NAALADL2: variants seen among roughly 807,000 people sequenced by gnomAD.
NAALADL2 encodes the protein inactive N-acetylated-alpha-linked acidic dipeptidase-like protein 2.
A neutral mutation model predicts 87.2 loss-of-function variants in NAALADL2; 76 were observed. That is an observed-to-expected ratio of 0.87 (90% CI 0.72 to 1.05). The LOEUF is 1.05. Among genes scored for constraint, NAALADL2 ranks in the 50% least tolerant of loss-of-function variants. The probability of loss-of-function intolerance (pLI) is 0.00; values close to 1 mark genes in which losing one functional copy is unlikely to be tolerated. For synonymous variants in NAALADL2, 354 were observed against 331.0 expected (o/e 1.07, Z -0.75); for missense variants, 1,089 against 945.8 (o/e 1.15, Z -1.99).
chr3:175,698,483 TTATATA>T (rs34002597), intron 11 of NAALADL2, among the ~76,000 whole-genome samples: 1 of 67,774 alleles, frequency 1.5e-5, no homozygotes, highest in South Asian at 3.9e-4. Flanking sequence ...GTATATATAT[TTATATA>T]TATATATATA....
chr3:174,809,827 C>G (rs937542843), intron 3 of NAALADL2, among the ~76,000 whole-genome samples: 3 of 152,148 alleles, frequency 2.0e-5, no homozygotes, highest in Admixed American at 6.6e-5. Context: ...GGTGGGGCCT[C>G]ATGGGAGGTG....
chr3:174,864,162 C>T, intron 1 of NAALADL2: 1 of 433,200 alleles, frequency 2.3e-6, no homozygotes, highest in Non-Finnish European at 4.6e-6. Context: ...TTTCCAGGTA[C>T]AAGAGAGGGT....
chr3:174,476,418 T>G (rs1451004002), intron 1 of NAALADL2, among the ~76,000 whole-genome samples: 1 of 151,970 alleles, frequency 6.6e-6, no homozygotes, highest in Admixed American at 6.6e-5. Flanking sequence ...TGTCCTGTGG[T>G]GTTTTACTCT....
At chr3:175,542,489 A>C (rs1161511527) in intron 9 of NAALADL2, among the ~76,000 whole-genome samples, 1 of 152,122 alleles carries the variant, frequency 6.6e-6, no homozygotes, top group Non-Finnish European at 1.5e-5. Flanking sequence ...ACAGCCCTCC[A>C]TTGTCCTTGG....
rs571627075 is a variant in NAALADL2 at position 175,259,966 on chromosome 3, T to G, written c.939+3436T>G. 1.9e-3 allele frequency among the ~76,000 whole-genome samples: 288 copies of G among 152,012 alleles called. 3 individuals are homozygous for G. The highest frequency in any genetic ancestry group is 6.7e-3 in the African/African-American group (278 of 41,432). Reference sequence around the variant, plus strand: ...TCGCTTGAACCCGGGAGGTGGAGGTTGTAGTGAGCCAGGATTTCACCACTG... The same window carrying G: ...TCGCTTGAACCCGGGAGGTGGAGGTGGTAGTGAGCCAGGATTTCACCACTG... On this transcript the variant is annotated intron_variant, in intron 4 of 13. Transcript: ENST00000454872.
At chr3:175,731,449 C>T (rs1030586390) in intron 11 of NAALADL2, among the ~76,000 whole-genome samples, 9 of 152,126 alleles carry the variant, frequency 5.9e-5, no homozygotes, top group Admixed American at 4.6e-4. Context: ...TCCCCATCTA[C>T]CTGTCTCTTA....
At chr3:175,570,628 C>T (rs1717918366) in intron 9 of NAALADL2, among the ~76,000 whole-genome samples, 1 of 152,064 alleles carries the variant, frequency 6.6e-6, no homozygotes, top group South Asian at 2.1e-4. Context: ...CACCTGTAGT[C>T]CCAGCACTTT....
intron 9 of NAALADL2, among the ~76,000 whole-genome samples, chr3:175,514,021 T>C (rs2149401208): frequency 6.6e-6 from 1 of 152,318 alleles, no homozygotes; most frequent in African/African-American, 2.4e-5. Flanking sequence ...GACAGCTTGC[T>C]TTCTCTTCCA....
intron 3 of NAALADL2, among the ~76,000 whole-genome samples, chr3:175,238,000 C>G (rs1431366917): frequency 6.6e-6 from 1 of 152,074 alleles, no homozygotes; most frequent in Non-Finnish European, 1.5e-5. Flanking sequence ...TCAAAGAGTA[C>G]TCATTTATTT....
intron 1 of NAALADL2, among the ~76,000 whole-genome samples, chr3:174,867,582 T>C (rs1727312570): frequency 6.6e-6 from 1 of 152,074 alleles, no homozygotes; most frequent in African/African-American, 2.4e-5. Flanking sequence ...TATACTATGT[T>C]TTCTCAAGTT....
In NAALADL2 at chr3:175,797,828, CAAG is replaced by C. The variant is rs1211619058; in HGVS notation, c.2190-5173_2190-5171del. On this transcript the variant is annotated intron_variant, in intron 13 of 13. Coordinates refer to ENST00000454872, the MANE Select transcript of NAALADL2 (RefSeq NM_207015.3). ...TTGATCTAATTGAAATATCCACAAA[CAAG>C]AAGCATTTGCATATTAAAATGGTAT... Among the ~76,000 whole-genome samples, 20 of 152,046 alleles carry C rather than the reference CAAG, an allele frequency of 1.3e-4. No homozygotes were observed. In the East Asian group the frequency reaches 3.7e-3, roughly 28 times the overall value.
At chr3:175,620,023 G>A (rs1582653789) in intron 10 of NAALADL2, among the ~76,000 whole-genome samples, 1 of 151,260 alleles carries the variant, frequency 6.6e-6, no homozygotes. Context: ...TGGCAGGCAC[G>A]CTACTCACTC....
At chr3:175,521,390 A>C (rs1419453551) in intron 9 of NAALADL2, among the ~76,000 whole-genome samples, 3 of 152,094 alleles carry the variant, frequency 2.0e-5, no homozygotes, top group African/African-American at 7.2e-5. Flanking sequence ...AATATATACA[A>C]TTTAATTAGT....
At chr3:174,499,767 T>A (rs559825885) in intron 1 of NAALADL2, among the ~76,000 whole-genome samples, 4 of 152,220 alleles carry the variant, frequency 2.6e-5, no homozygotes, top group African/African-American at 9.6e-5. Flanking sequence ...ATCTCTCTTT[T>A]GTTACATTGA....
intron 2 of NAALADL2, among the ~76,000 whole-genome samples, chr3:174,689,219 T>A (rs4364174): frequency 0.49 from 74,716 of 151,916 alleles, 21,083 homozygotes; most frequent in Non-Finnish European, 0.65. Flanking sequence ...GAGCTCACTT[T>A]GTCTAGATAT....
intron 2 of NAALADL2, among the ~76,000 whole-genome samples, chr3:175,225,794 C>A (rs1461479164): frequency 6.6e-6 from 1 of 152,008 alleles, no homozygotes; most frequent in African/African-American, 2.4e-5. Flanking sequence ...TTGTCCATTC[C>A]GTGAGTCTGC....
At chr3:175,155,431 C>CCTT (rs1267910234) in intron 2 of NAALADL2, among the ~76,000 whole-genome samples, 1 of 152,066 alleles carries the variant, frequency 6.6e-6, no homozygotes, top group Non-Finnish European at 1.5e-5. Flanking sequence ...GGCTAGCAAA[C>CCTT]CAAAGCTACA....
At chr3:175,473,967 T>G (rs1725271603) in intron 9 of NAALADL2, among the ~76,000 whole-genome samples, 1 of 152,192 alleles carries the variant, frequency 6.6e-6, no homozygotes. Context: ...GTTAGTTCTT[T>G]GAGGAATCTC....
intron 2 of NAALADL2, among the ~76,000 whole-genome samples, chr3:174,571,529 G>A (rs1475164216): frequency 6.6e-6 from 1 of 152,060 alleles, no homozygotes. Flanking sequence ...ACAGGCATGT[G>A]CCACCACACC....
Sources: allele counts gnomAD v4.1 joint callset (sites outside exome capture counted in the v4.1 genomes callset), GRCh38; gene constraint gnomAD v4.1.1; transcripts MANE v1.5; gene names NCBI Gene and HGNC (gene_info 2026-07-23, HGNC 2026-07-21).